Variants in KLHL24 observed in about 807,000 individuals in gnomAD.
The protein encoded by KLHL24 is kelch like family member 24.
In KLHL24, 29 loss-of-function variants were observed where a neutral mutation model predicts 53.4. That is an observed-to-expected ratio of 0.54 (90% confidence interval 0.40 to 0.74). KLHL24 has a LOEUF of 0.74. Among genes scored for constraint, KLHL24 ranks in the 30% least tolerant of loss-of-function variants. The probability of loss-of-function intolerance (pLI) is 0.00; values close to 1 mark genes in which losing one functional copy is unlikely to be tolerated. For synonymous variants in KLHL24, 222 were observed against 253.7 expected (o/e 0.88, Z 1.19); for missense variants, 504 against 744.0 (o/e 0.68, Z 3.75).
rs1465853498 is a variant in KLHL24 at position 183,650,064 on chromosome 3, C to A, written c.-61-232C>A. On this transcript the variant is annotated intron_variant, in intron 2 of 7. Coordinates refer to ENST00000242810, the MANE Select transcript of KLHL24 (RefSeq NM_017644.3). The surrounding 1 kb of genome is among the most constrained non-coding windows in gnomAD (Gnocchi z 4.5). Reference sequence around the variant, plus strand: ...AGTAACTCACGAAGTACATAGTATCCTTTCAGCTAGAAAAGGGGAGCTTAA... The same window carrying A: ...AGTAACTCACGAAGTACATAGTATCATTTCAGCTAGAAAAGGGGAGCTTAA... 1.3e-5 allele frequency among the ~76,000 whole-genome samples: 2 copies of A among 152,224 alleles called. No individual in the cohort carries two copies. Among genetic ancestry groups the A allele is most frequent in the East Asian group, 3.9e-4 (2 of 5,178 alleles).
intron 7 of KLHL24, among the ~76,000 whole-genome samples, chr3:183,678,659 C>T (rs1007277674): frequency 4.6e-5 from 7 of 152,106 alleles, no homozygotes; most frequent in Non-Finnish European, 8.8e-5. Flanking sequence ...TCCTGATCCT[C>T]TTCCTCCCCC....
chr3:183,662,388 T>TG (rs996890966), intron 3 of KLHL24, among the ~76,000 whole-genome samples: 2 of 151,044 alleles, frequency 1.3e-5, no homozygotes, highest in African/African-American at 4.9e-5. Context: ...TGTCCTGATG[T>TG]GGGTTTTTTT....
Position 183,684,046 on chromosome 3 carries a change from A to G in KLHL24, c.*4760A>G, listed in dbSNP as rs1044736008. 2 of 152,530 alleles carry G rather than the reference A, an allele frequency of 1.3e-5. No homozygotes were observed. Among genetic ancestry groups the G allele is most frequent in the African/African-American group, 2.4e-5 (1 of 41,422 alleles). The allele number at this position is 152,530 out of a possible 1,614,324, so 9.4% of individuals were successfully genotyped here. ...TCTTACATTGATTAAACCCGTGTAA[A>G]TTCATTTGCAGTATCTACATCGAAT... is the stretch of plus-strand genomic sequence containing the variant. On this transcript the variant is annotated 3_prime_UTR_variant, in exon 8 of 8. Coordinates refer to ENST00000242810, the MANE Select transcript of KLHL24 (RefSeq NM_017644.3).
chr3:183,666,683 C>T (rs985357258), intron 5 of KLHL24, among the ~76,000 whole-genome samples: 6 of 152,154 alleles, frequency 3.9e-5, no homozygotes, highest in Admixed American at 3.9e-4. Context: ...TTAATGTCAT[C>T]ACTCATAAAG....
rs1430858734 is a variant in KLHL24 at position 183,680,726 on chromosome 3, A to G, written c.*1440A>G. 1.3e-5 allele frequency: 2 copies of G among 152,336 alleles called. No individual in the cohort carries two copies. The highest frequency in any genetic ancestry group is 1.9e-4 in the East Asian group (1 of 5,188). The allele number at this position is 152,336 out of a possible 1,614,324, so 9.4% of individuals were successfully genotyped here. ...AAATGGATATGGCAGGAACTACAGC[A>G]TAAGTGATTATTGTGATTCTGGGTG... On this transcript the variant is annotated 3_prime_UTR_variant, in exon 8 of 8. Coordinates refer to ENST00000242810, the MANE Select transcript of KLHL24 (RefSeq NM_017644.3).
Position 183,651,002 on chromosome 3 carries a change from A to T in KLHL24, c.646A>T (p.Ile216Phe). The change falls in exon 3 of 8, where the codon ATT becomes TTT. Residue 216 changes from isoleucine (I) to phenylalanine (F), a missense_variant. Ile to Phe is a conservative substitution (Grantham distance 21). Transcript: ENST00000242810. ...ELDKDELIDY[I>F]CSDELVIGKE... ...TGACAAAGATGAACTTATTGATTAT[A>T]TTTGTAGTGATGAACTTGTTATTGG... The T allele has an allele frequency of 6.2e-7, 1 of 1,614,196 alleles. No individual in the cohort carries two copies. Among genetic ancestry groups the T allele is most frequent in the Non-Finnish European group, 8.5e-7 (1 of 1,180,026 alleles).
Position 183,663,285 on chromosome 3 carries a change from C to G in KLHL24, c.921-173C>G, listed in dbSNP as rs9290769. Among the ~76,000 whole-genome samples the G allele has an allele frequency of 0.33, 50,870 of 151,870 alleles. 9,373 individuals carry two copies. Among genetic ancestry groups the G allele is most frequent in the African/African-American group, 0.49 (20,224 of 41,368 alleles). On this transcript the variant is annotated intron_variant, in intron 3 of 7. Coordinates refer to ENST00000242810, the MANE Select transcript of KLHL24 (RefSeq NM_017644.3). The surrounding 1 kb of genome is among the most constrained non-coding windows in gnomAD (Gnocchi z 4.9). The stretch of plus-strand genomic sequence containing the variant: ...ATGATGTCACTAGCTCCCCTATAAA[C>G]GTTCTCAAAGTAAGTAATTTCCAGG...
intron 6 of KLHL24, 99 bp downstream of exon 6, chr3:183,671,321 G>A (rs913698146): frequency 9.6e-7 from 1 of 1,047,090 alleles, no homozygotes. Flanking sequence ...AGTGTGAGGG[G>A]TCTTTTAAAA....
In KLHL24 at chr3:183,663,451, A is replaced by G. The variant is rs1212578447; in HGVS notation, c.921-7A>G. On this transcript the variant is annotated splice_polypyrimidine_tract_variant and splice_region_variant and intron_variant, in intron 3 of 7. Transcript: ENST00000242810. This position sits in a 1 kb window ranked among gnomAD's most constrained non-coding sequence, Gnocchi z 4.9. ...TTATTTATGTACGCTAATAATTATT[A>G]TTTTAGGTCCACTGGCTATTCTGAG... is the stretch of plus-strand genomic sequence containing the variant. 2 of 1,405,490 alleles carry G rather than the reference A, an allele frequency of 1.4e-6. No homozygotes were observed. The highest frequency in any genetic ancestry group is 9.5e-7 in the Non-Finnish European group (1 of 1,050,392). 87.1% of individuals were successfully genotyped at this position (1,405,490 alleles called of 1,614,324 possible). A position where few individuals can be genotyped will look rare whatever the true frequency, so the allele number is the denominator to read the frequency against.
Position 183,679,308 on chromosome 3 carries a change from A to T in KLHL24, c.*22A>T, listed in dbSNP as rs746609139. 1 of 1,586,006 alleles carries T rather than the reference A, an allele frequency of 6.3e-7. No individual in the cohort carries two copies. Among genetic ancestry groups the T allele is most frequent in the South Asian group, 1.1e-5 (1 of 90,484 alleles). On this transcript the variant is annotated 3_prime_UTR_variant, in exon 8 of 8. Coordinates refer to ENST00000242810, the MANE Select transcript of KLHL24 (RefSeq NM_017644.3). ...CTGAAGACAGGATACCTCACCGAAG[A>T]AGCCACACTGATCCAAGATGGGAGG...
intron 6 of KLHL24, among the ~76,000 whole-genome samples, chr3:183,671,775 C>T (rs1186176812): frequency 6.6e-6 from 1 of 152,192 alleles, no homozygotes; most frequent in Admixed American, 6.5e-5. Context: ...TAATGCCTAG[C>T]TGGTTTAGCA....
In KLHL24 at chr3:183,683,859, A is replaced by G. The variant is rs1044321151; in HGVS notation, c.*4573A>G. On this transcript the variant is annotated 3_prime_UTR_variant, in exon 8 of 8. Coordinates refer to ENST00000242810, the MANE Select transcript of KLHL24 (RefSeq NM_017644.3). ...TTCATATTTGTTTCCTATAGAGTAA[A>G]TAAACTTCCCCTTCTTAAATTGTGT... 2.0e-5 allele frequency: 3 copies of G among 152,590 alleles called. No homozygotes were observed. The highest frequency in any genetic ancestry group is 1.3e-4 in the Admixed American group (2 of 15,276). The allele number at this position is 152,590 out of a possible 1,614,324, so 9.5% of individuals were successfully genotyped here.
At chr3:183,639,879 G>T (rs1347939100) in intron 1 of KLHL24, among the ~76,000 whole-genome samples, 1 of 151,338 alleles carries the variant, frequency 6.6e-6, no homozygotes, top group African/African-American at 2.4e-5. Context: ...GAAAATATTA[G>T]CCTGGTGTGG....
At chr3:183,653,426 G>A (rs567759477) in intron 3 of KLHL24, among the ~76,000 whole-genome samples, 1 of 152,322 alleles carries the variant, frequency 6.6e-6, no homozygotes, top group Admixed American at 6.5e-5. Context: ...AACATCTAAA[G>A]GCTGAGCAAT....
Position 183,683,562 on chromosome 3 carries a change from G to A in KLHL24, c.*4276G>A, listed in dbSNP as rs1712906861. 6.6e-6 allele frequency: 1 copy of A among 152,600 alleles called. No homozygotes were observed. Among genetic ancestry groups the A allele is most frequent in the Admixed American group, 6.5e-5 (1 of 15,270 alleles). The allele number at this position is 152,600 out of a possible 1,614,324, so 9.5% of individuals were successfully genotyped here. A position where few individuals can be genotyped will look rare whatever the true frequency, so the allele number is the denominator to read the frequency against. On this transcript the variant is annotated 3_prime_UTR_variant, in exon 8 of 8. Transcript: ENST00000242810. Reference sequence around the variant, plus strand: ...TAGGCACCAGAAACCATTTGAGCCAGGAGTGTGAATGAATAATTCCAGAGA... The same window carrying A: ...TAGGCACCAGAAACCATTTGAGCCAAGAGTGTGAATGAATAATTCCAGAGA...
chr3:183,659,937 G>GTAA, intron 3 of KLHL24, among the ~76,000 whole-genome samples: 1 of 152,224 alleles, frequency 6.6e-6, no homozygotes, highest in East Asian at 1.9e-4. Flanking sequence ...ATGCCCAATA[G>GTAA]CAACCGTTAA....
At chr3:183,674,245 TTCTTTCTTTCTTTCTTTC>T (rs1721771653) in intron 7 of KLHL24, among the ~76,000 whole-genome samples, 1 of 88,250 alleles carries the variant, frequency 1.1e-5, no homozygotes, top group African/African-American at 4.8e-5. Context: ...AGCATCAATT[TTCTTTCTTTCTTTCTTTC>T]TTTCTTTCTT....
intron 2 of KLHL24, among the ~76,000 whole-genome samples, chr3:183,646,173 C>A (rs955499113): frequency 7.3e-6 from 1 of 136,204 alleles, no homozygotes; most frequent in African/African-American, 3.0e-5. Flanking sequence ...ACCAGCCTGG[C>A]CAACATGGTG....
At chr3:183,674,302 TCCTTTCTTC>T (rs1560186000) in intron 7 of KLHL24, among the ~76,000 whole-genome samples, 6 of 144,546 alleles carry the variant, frequency 4.2e-5, no homozygotes, top group African/African-American at 1.5e-4. Context: ...TTTCTTTCTT[TCCTTTCTTC>T]CTTCCTTCCT....
Sources: allele counts gnomAD v4.1 joint callset (sites outside exome capture counted in the v4.1 genomes callset), GRCh38; gene constraint gnomAD v4.1.1; non-coding constraint Gnocchi (gnomAD v3.1); transcripts MANE v1.5; gene names NCBI Gene and HGNC (gene_info 2026-07-23, HGNC 2026-07-21).